The following SGCZ variants were observed in gnomAD, a reference collection of about 807,000 sequenced individuals.
The protein encoded by SGCZ is zeta-sarcoglycan.
Under a neutral mutation model 41.3 loss-of-function variants are expected in SGCZ, and 40 were observed. That is an observed-to-expected ratio of 0.97 (90% CI 0.75 to 1.26). The LOEUF (loss-of-function observed/expected upper bound fraction) is 1.26, where lower values mean the gene tolerates loss of function less well. Ranked by LOEUF, SGCZ falls within the 50% of genes most tolerant of loss-of-function variation. The pLI is 0.00. For synonymous variants in SGCZ, 206 were observed against 137.5 expected, an observed-to-expected ratio of 1.50 and a Z score of -3.49; for missense variants, 552 against 369.8, an observed-to-expected ratio of 1.49 and a Z score of -4.04.
chr8:15,086,211 G>A (rs1805943660), intron 1 of SGCZ, among the ~76,000 whole-genome samples: 1 of 152,108 alleles, frequency 6.6e-6, no homozygotes, highest in Admixed American at 6.6e-5. Context: ...GATGCTTCTT[G>A]CAGCAATATC....
chr8:14,723,131 C>T (rs902263777), intron 1 of SGCZ, among the ~76,000 whole-genome samples: 8 of 152,084 alleles, frequency 5.3e-5, no homozygotes, highest in East Asian at 1.9e-4. Flanking sequence ...TCAAGATGGC[C>T]GACCAGACGC....
In SGCZ at chr8:15,082,894, A is replaced by C. The variant is rs187087823; in HGVS notation, c.39+154691T>G. 7.2e-5 allele frequency among the ~76,000 whole-genome samples: 11 copies of C among 152,298 alleles called. No homozygotes were observed. In the East Asian group the frequency reaches 1.9e-3, roughly 27 times the overall value. ...ACTTCGAAGACTGTTTACGTACAAA[A>C]GGTTCACTTAGACAGTATTCAATTT... On this transcript the variant is annotated intron_variant, in intron 1 of 7. Transcript: ENST00000382080.
intron 1 of SGCZ, among the ~76,000 whole-genome samples, chr8:15,014,289 G>C (rs1039265959): frequency 5.3e-5 from 8 of 152,164 alleles, no homozygotes; most frequent in African/African-American, 1.7e-4. Flanking sequence ...CAAGGGATGT[G>C]CTGGGCGTGG....
At chr8:15,054,581 G>A (rs13258778) in intron 1 of SGCZ, among the ~76,000 whole-genome samples, 3 of 152,056 alleles carry the variant, frequency 2.0e-5, no homozygotes, top group African/African-American at 7.3e-5. Flanking sequence ...ACATGCTGGC[G>A]TTGTATTAAT....
At chr8:14,953,712 G>T (rs576874613) in intron 1 of SGCZ, among the ~76,000 whole-genome samples, 10 of 152,088 alleles carry the variant, frequency 6.6e-5, no homozygotes, top group Admixed American at 2.6e-4. Context: ...TGCAAAAACG[G>T]GAAAATAATG....
At chr8:14,347,802 T>C (rs2117096063) in intron 2 of SGCZ, among the ~76,000 whole-genome samples, 1 of 152,208 alleles carries the variant, frequency 6.6e-6, no homozygotes, top group African/African-American at 2.4e-5. Context: ...CTGTGTACTT[T>C]TAGGTCTATA....
At chr8:15,145,526 G>A (rs1017412531) in intron 1 of SGCZ, among the ~76,000 whole-genome samples, 2 of 152,134 alleles carry the variant, frequency 1.3e-5, no homozygotes, top group Non-Finnish European at 2.9e-5. Flanking sequence ...AAGTGCAGTG[G>A]TGCCATCATA....
intron 3 of SGCZ, among the ~76,000 whole-genome samples, chr8:14,263,646 A>G (rs1799758448): frequency 6.6e-6 from 1 of 152,196 alleles, no homozygotes; most frequent in African/African-American, 2.4e-5. Flanking sequence ...AAGACCCTCC[A>G]GTGATCATCT....
intron 1 of SGCZ, among the ~76,000 whole-genome samples, chr8:14,894,613 G>A (rs1805127658): frequency 6.6e-6 from 1 of 152,062 alleles, no homozygotes; most frequent in African/African-American, 2.4e-5. Flanking sequence ...CATACCCCGA[G>A]GAAGAAATAA....
At chr8:15,192,019 G>A (rs999710403) in intron 1 of SGCZ, among the ~76,000 whole-genome samples, 1 of 152,054 alleles carries the variant, frequency 6.6e-6, no homozygotes, top group East Asian at 1.9e-4. Flanking sequence ...AGGGAATGTG[G>A]TGAAGATTAA....
At chr8:14,333,834 A>C (rs1802417755) in intron 2 of SGCZ, among the ~76,000 whole-genome samples, 1 of 152,112 alleles carries the variant, frequency 6.6e-6, no homozygotes, top group Admixed American at 6.5e-5. Context: ...AAATGGAGTT[A>C]TATTTTTTAG....
intron 1 of SGCZ, among the ~76,000 whole-genome samples, chr8:14,802,707 G>C (rs1197107058): frequency 2.0e-5 from 3 of 152,116 alleles, no homozygotes; most frequent in Admixed American, 6.5e-5. Context: ...ATTGAAACTG[G>C]TATATATTAT....
chr8:14,830,168 A>C (rs1279623606), intron 1 of SGCZ, among the ~76,000 whole-genome samples: 1 of 152,200 alleles, frequency 6.6e-6, no homozygotes, highest in Non-Finnish European at 1.5e-5. Context: ...TGAATTAAAA[A>C]TATGGACCAA....
chr8:14,428,129 CACACATAT>C (rs1214909757), intron 2 of SGCZ, among the ~76,000 whole-genome samples: 464 of 4,422 alleles, frequency 0.1, 3 homozygotes, highest in African/African-American at 0.17. Flanking sequence ...CACACACACA[CACACATAT>C]ATATATATAT....
chr8:14,307,475 C>G (rs1669320691), intron 3 of SGCZ, among the ~76,000 whole-genome samples: 1 of 152,120 alleles, frequency 6.6e-6, no homozygotes, highest in Admixed American at 6.6e-5. Flanking sequence ...GTTTTTCTCT[C>G]CCTCTCCCAA....
chr8:15,206,201 T>C (rs1005761211), intron 1 of SGCZ, among the ~76,000 whole-genome samples: 1 of 152,078 alleles, frequency 6.6e-6, no homozygotes, highest in Admixed American at 6.6e-5. Context: ...AAACATACCA[T>C]CCTAGTTTAT....
intron 2 of SGCZ, among the ~76,000 whole-genome samples, chr8:14,398,447 T>C (rs1051980765): frequency 5.3e-5 from 8 of 152,124 alleles, no homozygotes; most frequent in African/African-American, 1.7e-4. Context: ...CTTATAACCA[T>C]TTATTCATAA....
chr8:15,138,620 C>G (rs1046224298), intron 1 of SGCZ, among the ~76,000 whole-genome samples: 2 of 152,124 alleles, frequency 1.3e-5, no homozygotes, highest in African/African-American at 4.8e-5. Flanking sequence ...TCTGGCATTT[C>G]CCTTGATTGC....
chr8:14,541,555 T>C (rs1040284065), intron 2 of SGCZ, among the ~76,000 whole-genome samples: 2 of 152,142 alleles, frequency 1.3e-5, no homozygotes, highest in African/African-American at 4.8e-5. Flanking sequence ...GATGGGTATT[T>C]GGGTTGGTTC....
Sources: allele counts gnomAD v4.1 joint callset (sites outside exome capture counted in the v4.1 genomes callset), GRCh38; gene constraint gnomAD v4.1.1; transcripts MANE v1.5; gene names NCBI Gene and HGNC (gene_info 2026-07-23, HGNC 2026-07-21).